The following CNTNAP4 variants were observed in gnomAD, a reference collection of about 807,000 sequenced individuals.
CNTNAP4 encodes contactin associated protein family member 4.
In CNTNAP4, 98 loss-of-function variants were observed where a neutral mutation model predicts 148.4. The observed-to-expected ratio is 0.66, with a 90% CI of 0.56 to 0.78. The LOEUF is 0.78. Among genes scored for constraint, CNTNAP4 ranks in the 30% least tolerant of loss-of-function variants. CNTNAP4 has a pLI of 0.00. For missense variants in CNTNAP4, 1,935 were observed against 1,565.6 expected (o/e 1.24, Z -3.98); for synonymous variants, 730 against 565.1 (o/e 1.29, Z -4.14).
At chr16:76,383,674 G>A (rs1298026517) in intron 3 of CNTNAP4, among the ~76,000 whole-genome samples, 4 of 152,178 alleles carry the variant, frequency 2.6e-5, no homozygotes, top group African/African-American at 9.7e-5. Flanking sequence ...GAACTATTGT[G>A]AAATTTTAGA....
intron 3 of CNTNAP4, among the ~76,000 whole-genome samples, chr16:76,367,655 A>G (rs2014305736): frequency 6.6e-6 from 1 of 152,220 alleles, no homozygotes; most frequent in Admixed American, 6.5e-5. Context: ...ATGCACAGCA[A>G]CAGCATAATA....
In CNTNAP4 at chr16:76,541,098, TAAC is replaced by T. The variant is rs543486559; in HGVS notation, c.3442+311_3442+313del. Among the ~76,000 whole-genome samples the T allele has an allele frequency of 7.2e-5, 11 of 152,274 alleles. No homozygotes were observed. The East Asian group carries it at 2.1e-3, about 29-fold the overall frequency. Reference sequence around the variant, plus strand: ...ATATTAAATAATTGAAAATAAAAAATAACAAAGTATGTATTAATTAGGTGCCAA... The same window carrying T: ...ATATTAAATAATTGAAAATAAAAAATAAAGTATGTATTAATTAGGTGCCAA... On this transcript the variant is annotated intron_variant, in intron 21 of 23. Coordinates refer to ENST00000611870, the MANE Select transcript of CNTNAP4 (RefSeq NM_033401.5).
chr16:76,285,542 C>T (rs1331495101), intron 1 of CNTNAP4, among the ~76,000 whole-genome samples: 1 of 151,848 alleles, frequency 6.6e-6, no homozygotes, highest in Non-Finnish European at 1.5e-5. Flanking sequence ...ATATTATGGG[C>T]TTCTAAATCG....
intron 2 of CNTNAP4, among the ~76,000 whole-genome samples, chr16:76,332,613 T>C (rs932393187): frequency 1.3e-5 from 2 of 152,182 alleles, no homozygotes; most frequent in African/African-American, 2.4e-5. Flanking sequence ...TTTATTTAAA[T>C]ATTCTTTCAG....
chr16:76,307,180 A>G (rs985999935), intron 1 of CNTNAP4, among the ~76,000 whole-genome samples: 1 of 152,202 alleles, frequency 6.6e-6, no homozygotes, highest in African/African-American at 2.4e-5. Context: ...AACAATGTAT[A>G]TAATATCGTA....
In CNTNAP4 at chr16:76,283,264, C is replaced by T. The variant is rs527546049; in HGVS notation, c.85+5517C>T. Among the ~76,000 whole-genome samples, 5 of 151,904 alleles carry T rather than the reference C, an allele frequency of 3.3e-5. No individual in the cohort carries two copies. In the East Asian group the frequency reaches 9.7e-4, roughly 29 times the overall value. ...ACTTCAGATTAAACAATATTGAGGC[C>T]TTAATATTGTTCACTAATGAATCAT... On this transcript the variant is annotated intron_variant, in intron 1 of 23. Transcript: ENST00000611870.
intron 1 of CNTNAP4, among the ~76,000 whole-genome samples, chr16:76,301,866 G>T (rs1018639391): frequency 6.6e-6 from 1 of 152,116 alleles, no homozygotes; most frequent in African/African-American, 2.4e-5. Flanking sequence ...GGTTGGTTTT[G>T]CACAGGAATA....
chr16:76,292,560 G>T (rs1449521059), intron 1 of CNTNAP4, among the ~76,000 whole-genome samples: 1 of 152,168 alleles, frequency 6.6e-6, no homozygotes, highest in African/African-American at 2.4e-5. Flanking sequence ...CAGGTTTTCG[G>T]TTGTAACCAT....
chr16:76,413,180 A>G (rs1265944405), intron 3 of CNTNAP4, among the ~76,000 whole-genome samples: 2 of 151,284 alleles, frequency 1.3e-5, no homozygotes, highest in African/African-American at 4.8e-5. Flanking sequence ...CTGTTGTGCT[A>G]TCAAATAATA....
intron 3 of CNTNAP4, among the ~76,000 whole-genome samples, chr16:76,404,559 G>A (rs2144867759): frequency 6.6e-6 from 1 of 152,120 alleles, no homozygotes; most frequent in South Asian, 2.1e-4. Flanking sequence ...CTAACCAAGG[G>A]TCTGAATTAG....
intron 4 of CNTNAP4, among the ~76,000 whole-genome samples, chr16:76,429,859 A>C (rs1391095547): frequency 1.3e-5 from 2 of 152,226 alleles, no homozygotes; most frequent in Non-Finnish European, 2.9e-5. Flanking sequence ...TGGTTGAAGT[A>C]GTAGTACTGG....
chr16:76,409,639 A>G (rs1269147889), intron 3 of CNTNAP4, among the ~76,000 whole-genome samples: 1 of 152,058 alleles, frequency 6.6e-6, no homozygotes, highest in Non-Finnish European at 1.5e-5. Flanking sequence ...TTGTTGAAGT[A>G]ACTTTCCTAG....
At chr16:76,343,701 C>T (rs1344982931) in intron 2 of CNTNAP4, among the ~76,000 whole-genome samples, 1 of 152,012 alleles carries the variant, frequency 6.6e-6, no homozygotes, top group Admixed American at 6.6e-5. Context: ...CCCATTTTAA[C>T]ACAATGTAAT....
chr16:76,469,307 C>G (rs1386581687), intron 10 of CNTNAP4, among the ~76,000 whole-genome samples: 1 of 152,172 alleles, frequency 6.6e-6, no homozygotes, highest in Non-Finnish European at 1.5e-5. Context: ...GATTGAATGA[C>G]TTTTGGGTCC....
At chr16:76,479,298 CT>C in intron 11 of CNTNAP4, 120 bp from the exon 12 acceptor site, 1 of 766,664 alleles carries the variant, frequency 1.3e-6, no homozygotes, top group Non-Finnish European at 1.9e-6. Context: ...TAAGTTTTGC[CT>C]TTTCTCCTGG....
rs560171325 is a variant in CNTNAP4, at chr16:76,385,305, A to G, written c.390+29794A>G. Among the ~76,000 whole-genome samples, 11 of 152,306 alleles carry G rather than the reference A, an allele frequency of 7.2e-5. No individual in the cohort carries two copies. The East Asian group carries it at 1.3e-3, about 19-fold the overall frequency. The stretch of plus-strand genomic sequence containing the variant: ...AATTATCAAATACTGAACCATTGCT[A>G]TGCTATGTCATCTCACAGGGACTGC... On this transcript the variant is annotated intron_variant, in intron 3 of 23. Coordinates refer to ENST00000611870, the MANE Select transcript of CNTNAP4 (RefSeq NM_033401.5).
At chr16:76,405,256 C>G (rs959873265) in intron 3 of CNTNAP4, among the ~76,000 whole-genome samples, 1 of 152,138 alleles carries the variant, frequency 6.6e-6, no homozygotes, top group Admixed American at 6.6e-5. Flanking sequence ...CATCTTAAAA[C>G]CATGCGAGTA....
chr16:76,342,379 A>C (rs1964536082), intron 2 of CNTNAP4, among the ~76,000 whole-genome samples: 1 of 152,132 alleles, frequency 6.6e-6, no homozygotes, highest in South Asian at 2.1e-4. Context: ...TTAAATGAAA[A>C]CAAAGTTTTT....
chr16:76,336,747 A>G (rs1035276640), intron 2 of CNTNAP4, among the ~76,000 whole-genome samples: 1 of 152,220 alleles, frequency 6.6e-6, no homozygotes, highest in South Asian at 2.1e-4. Flanking sequence ...TTCCAAGTTA[A>G]CACATTTAAA....
Sources: gnomAD v4.1 joint callset for allele counts (sites outside exome capture counted in the v4.1 genomes callset) on GRCh38, gnomAD v4.1.1 for gene constraint, MANE v1.5 for transcripts, NCBI Gene and HGNC (gene_info 2026-07-23, HGNC 2026-07-21) for gene names.